DSCAM: variants seen among roughly 807,000 people sequenced by gnomAD.
DSCAM encodes the protein DS cell adhesion molecule.
A neutral mutation model predicts 217.7 loss-of-function variants in DSCAM; 47 were observed. That is an observed-to-expected ratio of 0.22 (90% CI 0.17 to 0.28). The LOEUF is 0.28. Ranked by LOEUF, DSCAM falls within the 10% of genes least tolerant of loss-of-function variation. The probability of loss-of-function intolerance (pLI) is 1.00; values close to 1 mark genes in which losing one functional copy is unlikely to be tolerated. For synonymous variants in DSCAM, 1,056 were observed against 1,015.3 expected, an observed-to-expected ratio of 1.04 and a Z score of -0.76; for missense variants, 2,080 against 2,618.3, an observed-to-expected ratio of 0.79 and a Z score of 4.49.
chr21:40,659,469 T>G (rs2090114603), intron 3 of DSCAM, among the ~76,000 whole-genome samples: 1 of 152,260 alleles, frequency 6.6e-6, no homozygotes, highest in South Asian at 2.1e-4. Context: ...TTATTATCTA[T>G]CTACTATCCA....
intron 3 of DSCAM, among the ~76,000 whole-genome samples, chr21:40,416,065 T>C (rs1243126380): frequency 6.6e-6 from 1 of 152,156 alleles, no homozygotes; most frequent in Non-Finnish European, 1.5e-5. Context: ...TTTTTTTCAA[T>C]AAAATGACCT....
At chr21:40,329,922 T>C (rs1055157741) in intron 8 of DSCAM, among the ~76,000 whole-genome samples, 1 of 151,834 alleles carries the variant, frequency 6.6e-6, no homozygotes, top group Non-Finnish European at 1.5e-5. Context: ...GGACACAAAA[T>C]TTCAGGAGGA....
At chr21:40,214,065 C>T (rs748049435) in intron 11 of DSCAM, among the ~76,000 whole-genome samples, 24 of 152,192 alleles carry the variant, frequency 1.6e-4, no homozygotes, top group Non-Finnish European at 2.6e-4. Flanking sequence ...AGCAAACACA[C>T]GAAGCGAGAC....
At chr21:40,731,728 A>G in intron 1 of DSCAM, among the ~76,000 whole-genome samples, 1 of 79,736 alleles carries the variant, frequency 1.3e-5, no homozygotes, top group Non-Finnish European at 2.6e-5. Flanking sequence ...TTCCCACTGC[A>G]CCCCCCCCCC....
chr21:40,083,673 A>C (rs777241127), intron 24 of DSCAM, among the ~76,000 whole-genome samples: 1 of 152,214 alleles, frequency 6.6e-6, no homozygotes, highest in Non-Finnish European at 1.5e-5. Flanking sequence ...CTTTCTTGCA[A>C]CTGTTGATAT....
intron 3 of DSCAM, among the ~76,000 whole-genome samples, chr21:40,663,471 T>C (rs1415366583): frequency 1.3e-5 from 2 of 152,140 alleles, no homozygotes; most frequent in Non-Finnish European, 1.5e-5. Flanking sequence ...CGTACATCTA[T>C]AGACTTTGTC....
At chr21:40,317,598 C>T (rs1052440616) in intron 8 of DSCAM, among the ~76,000 whole-genome samples, 4 of 151,868 alleles carry the variant, frequency 2.6e-5, no homozygotes, top group African/African-American at 7.3e-5. Flanking sequence ...GGCATGATCT[C>T]GCCTCACTGC....
chr21:40,809,369 G>T (rs1361917528), intron 1 of DSCAM, among the ~76,000 whole-genome samples: 1 of 152,306 alleles, frequency 6.6e-6, no homozygotes, highest in African/African-American at 2.4e-5. Context: ...GGACTTCAAA[G>T]CAGGGATGGG....
At chr21:40,156,928 A>AGTTGT (rs2090484677) in intron 16 of DSCAM, among the ~76,000 whole-genome samples, 1 of 152,166 alleles carries the variant, frequency 6.6e-6, no homozygotes, top group Non-Finnish European at 1.5e-5. Flanking sequence ...GCCTTGTCTC[A>AGTTGT]GATGAGACTC....
chr21:40,175,258 T>C lies in DSCAM; in HGVS notation c.2947+3669A>G, dbSNP rs533737896. 1.9e-3 allele frequency among the ~76,000 whole-genome samples: 284 copies of C among 152,208 alleles called. 1 individual carries two copies. The highest frequency in any genetic ancestry group is 6.4e-3 in the African/African-American group (264 of 41,546). On this transcript the variant is annotated intron_variant, in intron 15 of 32. Transcript: ENST00000400454. The stretch of plus-strand genomic sequence containing the variant: ...CCAAGTAGCTGGGATTACAGGCATG[T>C]GCCACAATGCATGGCTAATTTTTTT...
At chr21:40,030,291 G>A (rs1054320361) in intron 32 of DSCAM, among the ~76,000 whole-genome samples, 1 of 151,468 alleles carries the variant, frequency 6.6e-6, no homozygotes. Context: ...TGCAGTGATT[G>A]ATAGACAAGA....
chr21:40,779,322 A>T (rs897974862), intron 1 of DSCAM, among the ~76,000 whole-genome samples: 2 of 152,202 alleles, frequency 1.3e-5, no homozygotes, highest in Admixed American at 6.5e-5. Context: ...TAAACTTTTT[A>T]AAAACTTCCT....
At chr21:40,705,417 T>C (rs1402459808) in intron 2 of DSCAM, among the ~76,000 whole-genome samples, 1 of 152,120 alleles carries the variant, frequency 6.6e-6, no homozygotes. Context: ...GTTGTTTTTT[T>C]TCAGTTGGTT....
chr21:40,536,766 T>C (rs2076502962), intron 3 of DSCAM, among the ~76,000 whole-genome samples: 1 of 152,144 alleles, frequency 6.6e-6, no homozygotes, highest in African/African-American at 2.4e-5. Flanking sequence ...TGTAAGGACA[T>C]AATATAACGG....
chr21:40,286,872 T>C, intron 10 of DSCAM, among the ~76,000 whole-genome samples: 1 of 148,132 alleles, frequency 6.8e-6, no homozygotes, highest in East Asian at 2.0e-4. Context: ...TGATCCAAGG[T>C]GTGATCTGCA....
At chr21:40,542,962 C>T (rs547963344) in intron 3 of DSCAM, among the ~76,000 whole-genome samples, 12 of 152,166 alleles carry the variant, frequency 7.9e-5, no homozygotes, top group South Asian at 4.2e-4. Flanking sequence ...CGGGCCTCTG[C>T]GGTGGTGCTG....
At chr21:40,559,851 G>C (rs2076705012) in intron 3 of DSCAM, among the ~76,000 whole-genome samples, 1 of 145,830 alleles carries the variant, frequency 6.9e-6, no homozygotes, top group Non-Finnish European at 1.5e-5. Flanking sequence ...GGAGTGCAGT[G>C]GCGCGATCTC....
intron 18 of DSCAM, among the ~76,000 whole-genome samples, chr21:40,136,933 G>A (rs967786589): frequency 4.6e-5 from 7 of 151,792 alleles, no homozygotes; most frequent in South Asian, 4.2e-4. Flanking sequence ...CCAGCACTTC[G>A]GGAGGCCAAG....
At chr21:40,656,071 G>T (rs1445681761) in intron 3 of DSCAM, among the ~76,000 whole-genome samples, 2 of 151,916 alleles carry the variant, frequency 1.3e-5, no homozygotes, top group Non-Finnish European at 2.9e-5. Context: ...CAAAAATAAA[G>T]CACTCATCTC....
Sources: gnomAD v4.1 joint callset for allele counts (sites outside exome capture counted in the v4.1 genomes callset) on GRCh38, gnomAD v4.1.1 for gene constraint, MANE v1.5 for transcripts, NCBI Gene and HGNC (gene_info 2026-07-23, HGNC 2026-07-21) for gene names.